GTF3C5: variants seen among roughly 807,000 people sequenced by gnomAD.
GTF3C5 encodes general transcription factor IIIC subunit 5, also known as general transcription factor 3C polypeptide 5.
In GTF3C5, 47 loss-of-function variants were observed where a neutral mutation model predicts 61.0. That is an observed-to-expected ratio of 0.77 (90% CI 0.61 to 0.98). The LOEUF (loss-of-function observed/expected upper bound fraction) is 0.98, where lower values mean the gene tolerates loss of function less well. Ranked by LOEUF, GTF3C5 falls within the 50% of genes least tolerant of loss-of-function variation. The pLI, the probability that GTF3C5 is intolerant of heterozygous loss-of-function variation, is 0.00. For synonymous variants in GTF3C5, 295 were observed against 275.4 expected (o/e 1.07, Z -0.71); for missense variants, 659 against 703.3 (o/e 0.94, Z 0.71).
intron 8 of GTF3C5, chr9:133,055,393 C>G (rs149149338): frequency 3.0e-5 from 39 of 1,293,174 alleles, no homozygotes; most frequent in African/African-American, 4.5e-5. Context: ...ACGGGTGATG[C>G]GAGGGACTTG....
At position 133,031,092 on chromosome 9, in the gene GTF3C5, G is replaced by A. The variant is rs1462514674; in HGVS notation, c.81G>A (p.Val27=). 3.1e-6 allele frequency: 5 copies of A among 1,607,594 alleles called. No homozygotes were observed. Among genetic ancestry groups the A allele is most frequent in the Non-Finnish European group, 4.2e-6 (5 of 1,176,592 alleles). ...GGCGGGAGCGACGCATGGTGTGCGT[G>A]GAGTACCCGGGAGTGGTGCGTGATG... ...ELRRERRMVC[V]EYPGVVRDVA... The change falls in exon 1 of 11, where the codon GTG becomes GTA. Residue 27 remains valine (V), a synonymous_variant. Coordinates refer to ENST00000372097, the MANE Select transcript of GTF3C5 (RefSeq NM_012087.4).
At chr9:133,055,051 A>G (rs1423232476) in intron 8 of GTF3C5, 1 of 1,551,440 alleles carries the variant, frequency 6.4e-7, no homozygotes, top group African/African-American at 1.4e-5. Flanking sequence ...GAAGTCTGGC[A>G]CCAGCAGCTG....
chr9:133,044,715 C>T (rs1850150840), intron 3 of GTF3C5, among the ~76,000 whole-genome samples: 1 of 152,210 alleles, frequency 6.6e-6, no homozygotes, highest in Admixed American at 6.5e-5. Flanking sequence ...CCATCCTTCT[C>T]AAGGCATCTG....
In GTF3C5 at chr9:133,054,764, G is replaced by C; in HGVS notation, c.1122G>C (p.Gly374=). ...TGAAGCAGGGCCTGGGCCCGTCGGGGACGAGTGGTGCTCGGAAACCAGCTT... is the reference window on the plus strand; with the variant it reads ...TGAAGCAGGGCCTGGGCCCGTCGGGCACGAGTGGTGCTCGGAAACCAGCTT... The part of the protein sequence containing the change: ...HDLKQGLGPS[G]TSGARKPASS... Residue 374 remains glycine, a synonymous_variant, in exon 8 of 11, where the codon GGG becomes GGC. Coordinates refer to ENST00000372097, the MANE Select transcript of GTF3C5 (RefSeq NM_012087.4). 6.3e-7 allele frequency: 1 copy of C among 1,585,054 alleles called. No individual in the cohort carries two copies. Among genetic ancestry groups the C allele is most frequent in the Non-Finnish European group, 8.6e-7 (1 of 1,166,060 alleles).
rs979577025 is a variant in GTF3C5, at chr9:133,045,898, A to AGT, written c.572+1973_572+1974insTG. Among the ~76,000 whole-genome samples the AGT allele has an allele frequency of 1.4e-3, 211 of 152,240 alleles. 2 individuals carry two copies. The highest frequency in any genetic ancestry group is 4.9e-3 in the African/African-American group (204 of 41,552). On this transcript the variant is annotated intron_variant, in intron 3 of 10. Transcript: ENST00000372097. ...GTGATCCGCCCACCTCAGCCTCCCA[A>AGT]GGTGCTGGGATTACAGGTGTGAGCC...
chr9:133,045,890 G>A (rs1740144860), intron 3 of GTF3C5, among the ~76,000 whole-genome samples: 1 of 152,146 alleles, frequency 6.6e-6, no homozygotes, highest in African/African-American at 2.4e-5. Context: ...GCCCACCTCA[G>A]CCTCCCAAGG....
chr9:133,055,525 A>T lies in GTF3C5; in HGVS notation c.1168-487A>T, dbSNP rs558157318. 9.8e-5 allele frequency: 117 copies of T among 1,196,330 alleles called. No homozygotes were observed. The African/African-American group carries it at 1.7e-3, about 18-fold the overall frequency. The allele number at this position is 1,196,330 out of a possible 1,614,324, so 74.1% of individuals were successfully genotyped here. ...CTTCCTTCTCGAGGCCTCTCCTAGGAGGCCGTTATCCTTACTCTAGAACTA... is the reference window on the plus strand; with the variant it reads ...CTTCCTTCTCGAGGCCTCTCCTAGGTGGCCGTTATCCTTACTCTAGAACTA... On this transcript the variant is annotated intron_variant, in intron 8 of 10. Transcript: ENST00000372097.
At chr9:133,051,790 A>G (rs552912568) in intron 4 of GTF3C5, among the ~76,000 whole-genome samples, 8 of 152,300 alleles carry the variant, frequency 5.3e-5, no homozygotes, top group East Asian at 1.9e-4. Flanking sequence ...TGTGGGCTCT[A>G]TGAGGACAGC....
intron 1 of GTF3C5, among the ~76,000 whole-genome samples, chr9:133,040,793 A>T (rs1273782901): frequency 1.3e-5 from 2 of 152,212 alleles, no homozygotes; most frequent in Non-Finnish European, 2.9e-5. Flanking sequence ...GTGGCAAGCC[A>T]CCCAGGTGCT....
intron 7 of GTF3C5, 62 bp downstream of exon 7, chr9:133,054,550 G>T (rs1829869453): frequency 6.6e-7 from 1 of 1,515,036 alleles, no homozygotes; most frequent in Admixed American, 1.7e-5. Flanking sequence ...CGGGGCACCT[G>T]GACCCAGACG....
intron 9 of GTF3C5, 151 bp downstream of exon 9, chr9:133,056,245 A>G (rs1426928158): frequency 1.5e-6 from 1 of 665,482 alleles, no homozygotes; most frequent in Non-Finnish European, 2.6e-6. Flanking sequence ...GAGCCCTGGC[A>G]TGCTGGTGGC....
intron 2 of GTF3C5, among the ~76,000 whole-genome samples, chr9:133,042,729 C>T (rs891624892): frequency 1.3e-5 from 2 of 152,162 alleles, no homozygotes; most frequent in Admixed American, 1.3e-4. Context: ...GTTGAACGTC[C>T]CTCGTGGAGC....
chr9:133,032,861 T>A (rs1849768047), intron 1 of GTF3C5, among the ~76,000 whole-genome samples: 1 of 152,170 alleles, frequency 6.6e-6, no homozygotes, highest in Non-Finnish European at 1.5e-5. Context: ...GCTAGCTCAT[T>A]GGATAAAGCA....
chr9:133,037,073 G>A (rs1340551800), intron 1 of GTF3C5, among the ~76,000 whole-genome samples: 3 of 152,124 alleles, frequency 2.0e-5, no homozygotes, highest in South Asian at 2.1e-4. Context: ...GAATCTGACC[G>A]AAGAGGTTAG....
chr9:133,043,587 G>A (rs1850100996), intron 2 of GTF3C5, 141 bp from the exon 3 acceptor site: 3 of 658,168 alleles, frequency 4.6e-6, no homozygotes, highest in East Asian at 2.7e-5. Context: ...TTTGGGAAGG[G>A]TGTGTTTTCC....
intron 3 of GTF3C5, 50 bp from the exon 4 acceptor site, chr9:133,050,733 C>T (rs1363143440): frequency 7.1e-7 from 1 of 1,399,164 alleles, no homozygotes; most frequent in Non-Finnish European, 9.9e-7. Flanking sequence ...CCAGCGGGTG[C>T]CTGGGATGGC....
intron 4 of GTF3C5, among the ~76,000 whole-genome samples, chr9:133,051,269 T>C (rs1449222031): frequency 1.3e-5 from 2 of 152,258 alleles, no homozygotes; most frequent in Non-Finnish European, 2.9e-5. Flanking sequence ...CTCTTATTCT[T>C]CCATTCACTC....
chr9:133,041,374 C>G (rs145676350), intron 1 of GTF3C5, among the ~76,000 whole-genome samples: 3 of 152,344 alleles, frequency 2.0e-5, no homozygotes, highest in African/African-American at 7.2e-5. Context: ...TCCTGTACGC[C>G]TGGCTCTGCC....
chr9:133,031,158 C>T lies in GTF3C5; in HGVS notation c.147C>T (p.Val49=). The T allele has an allele frequency of 1.3e-6, 2 of 1,572,176 alleles. No homozygotes were observed. The highest frequency in any genetic ancestry group is 1.2e-5 in the South Asian group (1 of 86,640). Residue 49 remains valine, a synonymous_variant, in exon 1 of 11, where the codon GTC becomes GTT. Coordinates refer to ENST00000372097, the MANE Select transcript of GTF3C5 (RefSeq NM_012087.4). ...CGACTCTGGGCGGCGAGGAAGGCGT[C>T]TCCCGGGTAAGGGGCTGGGAATCTC... The part of the protein sequence containing the change: ...MLPTLGGEEG[V]SRIYADPTKR...
Sources: allele counts gnomAD v4.1 joint callset (sites outside exome capture counted in the v4.1 genomes callset), GRCh38; gene constraint gnomAD v4.1.1; transcripts MANE v1.5; gene names NCBI Gene and HGNC (gene_info 2026-07-23, HGNC 2026-07-21).